TMEM43: variants seen among roughly 807,000 people sequenced by gnomAD.
TMEM43 encodes arrhythmogenic right ventricular dysplasia 5.
A neutral mutation model predicts 49.6 loss-of-function variants in TMEM43; 45 were observed. The ratio of observed to expected loss-of-function variants is 0.91; its 90% CI spans 0.71 to 1.16. The LOEUF (loss-of-function observed/expected upper bound fraction) is 1.16. TMEM43 is among the 50% of genes most tolerant of loss of function. TMEM43 has a pLI of 0.00. For missense variants in TMEM43, 532 were observed against 516.6 expected, an observed-to-expected ratio of 1.03 and a Z score of -0.29; for synonymous variants, 199 against 207.8, an observed-to-expected ratio of 0.96 and a Z score of 0.36.
Position 14,134,755 on chromosome 3 carries a change from C to G in TMEM43, c.584-15C>G. The G allele has an allele frequency of 6.2e-7, 1 of 1,614,066 alleles. No individual in the cohort carries two copies. Among genetic ancestry groups the G allele is most frequent in the Non-Finnish European group, 8.5e-7 (1 of 1,179,948 alleles). ...ACCTGGTCCCCTGGGTTTCTAACCA[C>G]TCTGGTCCCCTCAGGCCTCATCGAC... On this transcript the variant is annotated splice_polypyrimidine_tract_variant and intron_variant, in intron 7 of 11. Transcript: ENST00000306077.
At chr3:14,132,449 C>T in intron 4 of TMEM43, 97 bp from the exon 5 acceptor site, 2 of 1,302,514 alleles carry the variant, frequency 1.5e-6, no homozygotes, top group Non-Finnish European at 2.2e-6. Context: ...GGAGTCTGAT[C>T]TGGTAGCCCT....
At chr3:14,131,348 G>C (rs1486749250) in intron 3 of TMEM43, among the ~76,000 whole-genome samples, 2 of 152,226 alleles carry the variant, frequency 1.3e-5, no homozygotes, top group Admixed American at 6.5e-5. Flanking sequence ...CCATGCCATT[G>C]GGCCATGCAG....
chr3:14,134,868 A>T lies in TMEM43; in HGVS notation c.682A>T (p.Ser228Cys), dbSNP rs776147178. The T allele has an allele frequency of 6.2e-7, 1 of 1,614,178 alleles. No individual in the cohort carries two copies. Among genetic ancestry groups the T allele is most frequent in the South Asian group, 1.1e-5 (1 of 91,086 alleles). Residue 228 changes from serine (S) to cysteine (C), a missense_variant, in exon 8 of 12, where the codon AGC (serine) becomes TGC (cysteine). Transcript: ENST00000306077. ...IIRRGDFFYH[S>C]ENPKYPEVGD... is the part of the protein sequence containing the mutation. ...TCGCCGTGGAGACTTTTTCTACCAC[A>T]GCGAAAATCCCAAGTATCCAGAGGT...
At chr3:14,130,761 A>G (rs1695082056) in intron 2 of TMEM43, 61 bp from the exon 3 acceptor site, 5 of 1,588,818 alleles carry the variant, frequency 3.1e-6, no homozygotes, top group East Asian at 2.3e-5. Context: ...ACTTTGCAAC[A>G]AGCACAGTCA....
In TMEM43 at chr3:14,138,417, G is replaced by C. The variant is rs921344776; in HGVS notation, c.883-763G>C. On this transcript the variant is annotated intron_variant, in intron 10 of 11. Transcript: ENST00000306077. ...GCGGGCAGACAGTGGTAAGAGACTC[G>C]GGAATATGTGGCCTGGACTGGATGG... Among the ~76,000 whole-genome samples, 3 of 152,276 alleles carry C rather than the reference G, an allele frequency of 2.0e-5. No homozygotes were observed. The East Asian group carries it at 5.8e-4, about 29-fold the overall frequency.
At chr3:14,126,678 A>C (rs902239176) in intron 1 of TMEM43, among the ~76,000 whole-genome samples, 1 of 152,228 alleles carries the variant, frequency 6.6e-6, no homozygotes, top group Non-Finnish European at 1.5e-5. Context: ...AAATGGTCCC[A>C]GTGGATAGAG....
chr3:14,129,651 T>C (rs555557965), intron 2 of TMEM43, 90 bp downstream of exon 2: 2 of 1,418,928 alleles, frequency 1.4e-6, no homozygotes, highest in Admixed American at 3.5e-5. Context: ...GATTTGGTAA[T>C]CAAGGGCCTA....
chr3:14,132,634 G>T, intron 5 of TMEM43, 39 bp downstream of exon 5: 1 of 1,597,576 alleles, frequency 6.3e-7, no homozygotes, highest in South Asian at 1.1e-5. Flanking sequence ...TGCCCATGGT[G>T]GGGGCCCACA....
chr3:14,135,881 C>G lies in TMEM43; in HGVS notation c.855C>G (p.Leu285=), dbSNP rs1337055313. 3 of 1,614,230 alleles carry G rather than the reference C, an allele frequency of 1.9e-6. No homozygotes were observed. Among genetic ancestry groups the G allele is most frequent in the Non-Finnish European group, 2.5e-6 (3 of 1,180,046 alleles). The change falls in exon 10 of 12, where the codon CTC becomes CTG. Residue 285 remains leucine (L), a synonymous_variant. Coordinates refer to ENST00000306077, the MANE Select transcript of TMEM43 (RefSeq NM_024334.3). ...FSTKSGDTLL[L]LHHGDFSAEE... ...CCAAGTCTGGGGATACCTTACTGCT[C>G]CTGCACCACGGGGACTTCTCAGCAG...
In TMEM43 at chr3:14,131,748, G is replaced by A. The variant is rs1695100123; in HGVS notation, c.392+74G>A. 10 of 1,098,804 alleles carry A rather than the reference G, an allele frequency of 9.1e-6. No individual in the cohort carries two copies. In the South Asian group the frequency reaches 1.2e-4, roughly 13 times the overall value. 68.1% of individuals were successfully genotyped at this position (1,098,804 alleles called of 1,614,324 possible). On this transcript the variant is annotated intron_variant, in intron 4 of 11. Coordinates refer to ENST00000306077, the MANE Select transcript of TMEM43 (RefSeq NM_024334.3). ...GTAGGTGTCAGGATAACATGCAGAT[G>A]TCTTTCATTTTGATACCTTTGAAAC...
At chr3:14,135,972 T>G in intron 10 of TMEM43, 64 bp downstream of exon 10, 1 of 1,393,596 alleles carries the variant, frequency 7.2e-7, no homozygotes. Context: ...TTCCAGTGGT[T>G]ATTTAATAAG....
intron 5 of TMEM43, 115 bp from the exon 6 acceptor site, chr3:14,132,751 C>A: frequency 7.3e-7 from 1 of 1,370,610 alleles, no homozygotes; most frequent in Non-Finnish European, 1.0e-6. Context: ...CCCACCCATC[C>A]ATTGAGGCTC....
rs139896807 is a variant in TMEM43 at position 14,132,225 on chromosome 3, G to A, written c.393-321G>A. ...GAAGGGCAGCTTCAAGAGGCCCCCC[G>A]CAGGGCTGTCCTGGAGCAGAGGATG... is the stretch of plus-strand genomic sequence containing the variant. On this transcript the variant is annotated intron_variant, in intron 4 of 11. Coordinates refer to ENST00000306077, the MANE Select transcript of TMEM43 (RefSeq NM_024334.3). 6.0e-4 allele frequency among the ~76,000 whole-genome samples: 92 copies of A among 152,326 alleles called. 1 individual carries two copies. In the East Asian group the frequency reaches 0.016, roughly 26 times the overall value.
At chr3:14,140,416 T>TAA (rs748094996) in intron 11 of TMEM43, among the ~76,000 whole-genome samples, 1 of 152,058 alleles carries the variant, frequency 6.6e-6, no homozygotes, top group Non-Finnish European at 1.5e-5. Flanking sequence ...AGGACAGACT[T>TAA]AGAGTGTGGA....
chr3:14,134,181 C>T (rs914548773), intron 7 of TMEM43, among the ~76,000 whole-genome samples: 3 of 152,218 alleles, frequency 2.0e-5, no homozygotes, highest in Non-Finnish European at 4.4e-5. Context: ...CCTAGGGCTC[C>T]CCCTCTCTGA....
At position 14,130,951 on chromosome 3, in the gene TMEM43, T is replaced by A; in HGVS notation, c.292T>A (p.Ser98Thr). ...GCACATCATTGGCGCCTTACGGACATCCAAGGTAGGTTTGGCAGGGGATGC... is the reference window on the plus strand; with the variant it reads ...GCACATCATTGGCGCCTTACGGACAACCAAGGTAGGTTTGGCAGGGGATGC... ...LVHIIGALRT[S>T]KLLSDPNYGV... Residue 98 changes from serine to threonine, a missense_variant, in exon 3 of 12, where the codon TCC becomes ACC. Physicochemically the swap from Ser to Thr is moderately conservative, Grantham distance 58. Coordinates refer to ENST00000306077, the MANE Select transcript of TMEM43 (RefSeq NM_024334.3). The A allele has an allele frequency of 6.2e-7, 1 of 1,609,870 alleles. No individual in the cohort carries two copies. The highest frequency in any genetic ancestry group is 8.5e-7 in the Non-Finnish European group (1 of 1,176,836).
At chr3:14,128,994 A>T in intron 1 of TMEM43, 1 of 456,364 alleles carries the variant, frequency 2.2e-6, no homozygotes, top group East Asian at 7.0e-5. Context: ...GAATTGCAAA[A>T]GCAGTGCTCT....
At chr3:14,125,247 C>G (rs1332765633) in intron 1 of TMEM43, 42 bp downstream of exon 1, 3 of 1,588,008 alleles carry the variant, frequency 1.9e-6, no homozygotes, top group South Asian at 1.1e-5. Context: ...CAGGCTTCCC[C>G]GTCGCCCTGG....
intron 4 of TMEM43, among the ~76,000 whole-genome samples, chr3:14,132,169 G>C (rs1354709566): frequency 6.6e-6 from 1 of 152,160 alleles, no homozygotes; most frequent in Non-Finnish European, 1.5e-5. Context: ...GACTGTGACC[G>C]ACAGGTGGGG....
Sources: allele counts gnomAD v4.1 joint callset (sites outside exome capture counted in the v4.1 genomes callset), GRCh38; gene constraint gnomAD v4.1.1; transcripts MANE v1.5; gene names NCBI Gene and HGNC (gene_info 2026-07-23, HGNC 2026-07-21).